NRG3: variants seen among roughly 807,000 people sequenced by gnomAD.
The protein encoded by NRG3 is pro-neuregulin-3, membrane-bound isoform.
NRG3 carries 31 observed loss-of-function variants against 66.9 expected under a neutral mutation model. The ratio of observed to expected loss-of-function variants is 0.46; its 90% confidence interval spans 0.35 to 0.63. The LOEUF (loss-of-function observed/expected upper bound fraction) is 0.63. Ranked by LOEUF, NRG3 falls within the 20% of genes least tolerant of loss-of-function variation. The pLI is 0.00. For synonymous variants in NRG3, 393 were observed against 359.4 expected (o/e 1.09, Z -1.06); for missense variants, 910 against 878.9 (o/e 1.04, Z -0.45).
chr10:82,160,463 A>C (rs10884266), intron 1 of NRG3, among the ~76,000 whole-genome samples: 7,198 of 151,906 alleles, frequency 0.047, 387 homozygotes, highest in East Asian at 0.16. Context: ...AAACAGAGTG[A>C]ATCATAATAA....
intron 2 of NRG3, among the ~76,000 whole-genome samples, chr10:82,397,205 G>A (rs2086770218): frequency 6.6e-6 from 1 of 152,166 alleles, no homozygotes; most frequent in Admixed American, 6.5e-5. Flanking sequence ...TCTTGCAAAT[G>A]TCTAGACTCC....
rs193107828 is a variant in NRG3 at position 81,998,530 on chromosome 10, G to A, written c.823+122367G>A. 1.0e-3 allele frequency among the ~76,000 whole-genome samples: 154 copies of A among 152,192 alleles called. 1 individual carries two copies. Among genetic ancestry groups the A allele is most frequent in the African/African-American group, 3.6e-3 (149 of 41,536 alleles). ...GTCAGACAAACTGGGCCGCAGAGTC[G>A]ATGTTGATATTACTGAACACTTCTC... On this transcript the variant is annotated intron_variant, in intron 1 of 8. Transcript: ENST00000372141.
At chr10:82,036,490 G>T (rs1160708207) in intron 1 of NRG3, among the ~76,000 whole-genome samples, 1 of 152,070 alleles carries the variant, frequency 6.6e-6, no homozygotes, top group Admixed American at 6.6e-5. Context: ...GGTTGCACTG[G>T]CATTTAAGCT....
intron 2 of NRG3, among the ~76,000 whole-genome samples, chr10:82,562,461 A>G (rs1565073119): frequency 6.6e-6 from 1 of 152,186 alleles, no homozygotes; most frequent in Non-Finnish European, 1.5e-5. Flanking sequence ...TCACTATGAT[A>G]TAAATATTTT....
intron 2 of NRG3, among the ~76,000 whole-genome samples, chr10:82,411,313 G>A (rs1261398445): frequency 2.0e-5 from 3 of 152,110 alleles, no homozygotes; most frequent in African/African-American, 7.2e-5. Flanking sequence ...AGATAGGACA[G>A]GTGGAAGGAA....
chr10:82,716,330 C>G (rs12261550), intron 2 of NRG3, among the ~76,000 whole-genome samples: 2 of 151,954 alleles, frequency 1.3e-5, no homozygotes, highest in Non-Finnish European at 2.9e-5. Context: ...ATAGACACTT[C>G]CCCGTGAACC....
At chr10:82,351,353 G>A (rs1171986530) in intron 1 of NRG3, among the ~76,000 whole-genome samples, 4 of 152,304 alleles carry the variant, frequency 2.6e-5, no homozygotes, top group South Asian at 2.1e-4. Flanking sequence ...CATCCCCACC[G>A]TGGATAGCAT....
At chr10:82,668,411 T>C (rs1016833872) in intron 2 of NRG3, among the ~76,000 whole-genome samples, 3 of 152,300 alleles carry the variant, frequency 2.0e-5, no homozygotes, top group African/African-American at 7.2e-5. Context: ...CCAATGAGAT[T>C]TCCACAAGAA....
intron 3 of NRG3, among the ~76,000 whole-genome samples, chr10:82,780,771 G>A (rs1422569046): frequency 6.6e-6 from 1 of 152,082 alleles, no homozygotes; most frequent in Non-Finnish European, 1.5e-5. Context: ...TGCCACCAGT[G>A]AGGACCAAAA....
intron 2 of NRG3, among the ~76,000 whole-genome samples, chr10:82,399,714 G>C (rs1344726205): frequency 6.6e-6 from 1 of 152,094 alleles, no homozygotes; most frequent in East Asian, 1.9e-4. Context: ...CATCTAATTG[G>C]GGGTTAGAGT....
intron 2 of NRG3, among the ~76,000 whole-genome samples, chr10:82,632,392 T>A (rs1372558744): frequency 6.6e-6 from 1 of 152,184 alleles, no homozygotes; most frequent in Admixed American, 6.5e-5. Context: ...ATTTTATAGC[T>A]CTATGAGCTC....
intron 1 of NRG3, among the ~76,000 whole-genome samples, chr10:81,892,481 A>G (rs142395140): frequency 1.7e-3 from 252 of 152,260 alleles, no homozygotes; most frequent in Non-Finnish European, 3.3e-3. Context: ...GAGTGTTACA[A>G]GAAGAACAGA....
intron 1 of NRG3, among the ~76,000 whole-genome samples, chr10:82,325,454 G>A (rs2135197424): frequency 6.6e-6 from 1 of 152,062 alleles, no homozygotes; most frequent in East Asian, 1.9e-4. Flanking sequence ...AAGTCTACTT[G>A]GTCTGATGAT....
At chr10:82,593,438 C>T (rs780894287) in intron 2 of NRG3, among the ~76,000 whole-genome samples, 5 of 152,158 alleles carry the variant, frequency 3.3e-5, no homozygotes, top group Non-Finnish European at 7.3e-5. Flanking sequence ...TAGGAGCTAC[C>T]TTTATTTATA....
At chr10:82,223,057 T>G (rs1472957456) in intron 1 of NRG3, among the ~76,000 whole-genome samples, 1 of 152,322 alleles carries the variant, frequency 6.6e-6, no homozygotes, top group Non-Finnish European at 1.5e-5. Flanking sequence ...TTGAGAAACT[T>G]AAGTATTTCC....
intron 1 of NRG3, among the ~76,000 whole-genome samples, chr10:82,288,298 T>TAAA (rs1462416749): frequency 3.3e-4 from 51 of 152,352 alleles, no homozygotes; most frequent in African/African-American, 1.1e-3. Context: ...GAGTGGCTAT[T>TAAA]ATAATTCTTA....
intron 2 of NRG3, among the ~76,000 whole-genome samples, chr10:82,359,862 A>G (rs1279894530): frequency 6.6e-6 from 1 of 152,214 alleles, no homozygotes; most frequent in Non-Finnish European, 1.5e-5. Context: ...GTGTAGAGAA[A>G]TGCATTGTAT....
rs1385908474 is a variant in NRG3, at chr10:81,876,095, C to T, written c.755C>T (p.Ser252Phe). Residue 252 changes from serine (S) to phenylalanine (F), a missense_variant, in exon 1 of 9, where the codon TCC becomes TTC. Ser to Phe is a radical substitution (Grantham distance 155). Coordinates refer to ENST00000372141, the MANE Select transcript of NRG3 (RefSeq NM_001010848.4). Reference protein sequence around the residue: ...WTLSPFQDAASSSSSSSSSAT... With the variant: ...WTLSPFQDAAFSSSSSSSSAT... ...CTGTCTCCCTTTCAGGATGCTGCCT[C>T]CTCTTCTTCCTCTTCTTCCTCCTCC... 1.2e-5 allele frequency: 19 copies of T among 1,610,956 alleles called. No homozygotes were observed. Among genetic ancestry groups the T allele is most frequent in the Middle Eastern group, 1.6e-4 (1 of 6,084 alleles).
chr10:82,046,934 G>A (rs2063328432), intron 1 of NRG3, among the ~76,000 whole-genome samples: 1 of 142,502 alleles, frequency 7.0e-6, no homozygotes, highest in South Asian at 2.5e-4. Context: ...TGATCATAGT[G>A]GATAAGCTTT....
Sources: allele counts gnomAD v4.1 joint callset (sites outside exome capture counted in the v4.1 genomes callset), GRCh38; gene constraint gnomAD v4.1.1; transcripts MANE v1.5; gene names NCBI Gene and HGNC (gene_info 2026-07-23, HGNC 2026-07-21).